CEP135: variants seen among roughly 807,000 people sequenced by gnomAD.
CEP135 encodes centrosomal protein of 135 kDa.
In CEP135, 142 loss-of-function variants were observed where a neutral mutation model predicts 157.3. The ratio of observed to expected loss-of-function variants is 0.90; its 90% CI spans 0.79 to 1.04. CEP135 has a LOEUF of 1.04. Ranked by LOEUF, CEP135 falls within the 50% of genes least tolerant of loss-of-function variation. The pLI is 0.00. For synonymous variants in CEP135, 396 were observed against 439.8 expected (o/e 0.90, Z 1.25); for missense variants, 1,317 against 1,309.2 (o/e 1.01, Z -0.09).
At chr4:55,955,859 A>T (rs536853283) in intron 4 of CEP135, among the ~76,000 whole-genome samples, 25 of 152,300 alleles carry the variant, frequency 1.6e-4, no homozygotes, top group Non-Finnish European at 3.1e-4. Context: ...AAACAGTGGG[A>T]TATGTAGATC....
At chr4:55,954,418 A>G (rs1577862487) in intron 4 of CEP135, 35 bp downstream of exon 4, 5 of 1,548,342 alleles carry the variant, frequency 3.2e-6, no homozygotes. Flanking sequence ...AATTATACAC[A>G]TTTAATCTTT....
chr4:55,990,434 G>C (rs1370081780), intron 14 of CEP135, among the ~76,000 whole-genome samples: 1 of 152,014 alleles, frequency 6.6e-6, no homozygotes, highest in African/African-American at 2.4e-5. Context: ...ATTTATTTTT[G>C]TATGTAAAAT....
intron 8 of CEP135, chr4:55,966,351 C>T (rs1728844593): frequency 6.5e-6 from 1 of 154,934 alleles, no homozygotes; most frequent in South Asian, 2.0e-4. Flanking sequence ...GCCACCATGC[C>T]CAGCTAATTT....
chr4:55,991,627 T>G (rs1181869399), intron 14 of CEP135, among the ~76,000 whole-genome samples: 1 of 152,148 alleles, frequency 6.6e-6, no homozygotes, highest in Non-Finnish European at 1.5e-5. Flanking sequence ...ACTTATTGTG[T>G]TTTAGAAATT....
At chr4:55,962,216 T>C (rs1728704226) in intron 6 of CEP135, among the ~76,000 whole-genome samples, 1 of 152,026 alleles carries the variant, frequency 6.6e-6, no homozygotes, top group Non-Finnish European at 1.5e-5. Flanking sequence ...TCTCCTGCCT[T>C]GGCCTCCTGA....
rs769825090 is a variant in CEP135, at chr4:55,954,305, G to A, written c.394G>A (p.Glu132Lys). Residue 132 changes from glutamate (E) to lysine (K), a missense_variant, in exon 4 of 26, where the codon GAG (glutamate) becomes AAG (lysine). Glu to Lys is a moderately conservative substitution (Grantham distance 56). Transcript: ENST00000257287. ...ATATGCTCATAAACTCAAACTGTTG[G>A]AGAAAGAGAGCAAAGCTAAGAATGA... ...NQYAHKLKLL[E>K]KESKAKNERI... is the part of the protein sequence containing the mutation. The A allele has an allele frequency of 4.3e-6, 7 of 1,611,704 alleles. No homozygotes were observed. Among genetic ancestry groups the A allele is most frequent in the South Asian group, 1.1e-5 (1 of 90,558 alleles).
chr4:55,976,543 G>A (rs577717517), intron 11 of CEP135, among the ~76,000 whole-genome samples: 3 of 152,246 alleles, frequency 2.0e-5, no homozygotes, highest in African/African-American at 4.8e-5. Flanking sequence ...GAGACATATT[G>A]GTAAGGCACT....
intron 10 of CEP135, among the ~76,000 whole-genome samples, chr4:55,972,446 A>G (rs1729059549): frequency 6.6e-6 from 1 of 152,234 alleles, no homozygotes; most frequent in Non-Finnish European, 1.5e-5. Context: ...TCTGGGGTCT[A>G]GTTTTCTACG....
At chr4:55,981,436 A>G (rs751929177) in intron 13 of CEP135, 57 bp downstream of exon 13, 471 of 1,482,204 alleles carry the variant, frequency 3.2e-4, no homozygotes, top group Non-Finnish European at 3.8e-4. Flanking sequence ...AGGTCTTTGT[A>G]TATACATTTT....
chr4:55,987,761 G>A (rs1416335186), intron 14 of CEP135, among the ~76,000 whole-genome samples: 1 of 152,102 alleles, frequency 6.6e-6, no homozygotes, highest in Non-Finnish European at 1.5e-5. Context: ...TCATTGGAAA[G>A]AAACAAAGAA....
chr4:56,018,924 T>G (rs973819680), intron 22 of CEP135, among the ~76,000 whole-genome samples: 29 of 152,214 alleles, frequency 1.9e-4, no homozygotes, highest in Non-Finnish European at 3.7e-4. Context: ...AATAACCTAG[T>G]GTTTGTTTTC....
In CEP135 at chr4:55,974,246, T is replaced by C. The variant is rs144275384; in HGVS notation, c.1250-500T>C. ...ACATAAATTAAATTAGGTTCAACTA[T>C]ATGAAATTGCCAGTATTTGATTACT... On this transcript the variant is annotated intron_variant, in intron 10 of 25. Transcript: ENST00000257287. Among the ~76,000 whole-genome samples the C allele has an allele frequency of 2.4e-3, 360 of 152,350 alleles. 1 individual carries two copies. The highest frequency in any genetic ancestry group is 7.4e-3 in the African/African-American group (306 of 41,590).
At chr4:56,017,217 G>T (rs1405058842) in intron 21 of CEP135, among the ~76,000 whole-genome samples, 2 of 151,830 alleles carry the variant, frequency 1.3e-5, no homozygotes, top group Admixed American at 1.3e-4. Context: ...ATATAGTTTT[G>T]AAGTAAACCC....
intron 11 of CEP135, among the ~76,000 whole-genome samples, chr4:55,977,034 C>A (rs142087460): frequency 6.6e-6 from 1 of 151,494 alleles, no homozygotes; most frequent in Non-Finnish European, 1.5e-5. Flanking sequence ...GTTGCCCAGG[C>A]TGGTTTCAAA....
rs755345091 is a variant in CEP135 at position 55,964,297 on chromosome 4, A to G, written c.723A>G (p.Ile241Met). The G allele has an allele frequency of 6.2e-7, 1 of 1,612,360 alleles. No individual in the cohort carries two copies. Among genetic ancestry groups the G allele is most frequent in the Non-Finnish European group, 8.5e-7 (1 of 1,179,388 alleles). Residue 241 changes from isoleucine to methionine, a missense_variant, in exon 7 of 26, where the codon ATA becomes ATG. By Grantham distance (10) the Ile-to-Met change is conservative (BLOSUM62 1). Coordinates refer to ENST00000257287, the MANE Select transcript of CEP135 (RefSeq NM_025009.5). ...SKQIELRERE[I>M]ERLSVALDGG... ...AGATTGAGCTAAGAGAACGAGAGAT[A>G]GAACGACTGTCAGTTGCTTTGGATG...
At chr4:56,016,876 G>A (rs1184031962) in intron 21 of CEP135, among the ~76,000 whole-genome samples, 1 of 151,932 alleles carries the variant, frequency 6.6e-6, no homozygotes, top group East Asian at 1.9e-4. Context: ...TTCTCACTAT[G>A]TTTCCCGGAC....
At chr4:56,017,995 C>A in intron 22 of CEP135, 138 bp downstream of exon 22, 1 of 742,132 alleles carries the variant, frequency 1.3e-6, no homozygotes, top group Non-Finnish European at 2.1e-6. Context: ...GAGTTTTGCT[C>A]TGTCGCTTAG....
At chr4:56,023,660 T>TAATATAC (rs1201871612) in intron 24 of CEP135, among the ~76,000 whole-genome samples, 9 of 142,970 alleles carry the variant, frequency 6.3e-5, no homozygotes, top group Non-Finnish European at 1.4e-4. Context: ...ATATAATATA[T>TAATATAC]AATATACTAA....
intron 25 of CEP135, among the ~76,000 whole-genome samples, chr4:56,030,414 G>C (rs553080800): frequency 4.6e-5 from 7 of 152,228 alleles, no homozygotes; most frequent in African/African-American, 1.7e-4. Flanking sequence ...TATCATTATG[G>C]AACATATGAC....
Sources: allele counts gnomAD v4.1 joint callset (sites outside exome capture counted in the v4.1 genomes callset), GRCh38; gene constraint gnomAD v4.1.1; transcripts MANE v1.5; gene names NCBI Gene and HGNC (gene_info 2026-07-23, HGNC 2026-07-21).